The following GNAQ variants were observed in gnomAD, a reference collection of about 807,000 sequenced individuals.
GNAQ encodes G protein subunit alpha q.
Under a neutral mutation model 43.9 loss-of-function variants are expected in GNAQ, and 8 were observed. That is an observed-to-expected ratio of 0.18 (90% CI 0.11 to 0.33). GNAQ has a LOEUF of 0.33. GNAQ is among the 10% of genes least tolerant of loss of function. The probability of loss-of-function intolerance (pLI) is 1.00; values close to 1 mark genes in which losing one functional copy is unlikely to be tolerated. For missense variants in GNAQ, 158 were observed against 450.8 expected, an observed-to-expected ratio of 0.35 and a Z score of 5.88; for synonymous variants, 155 against 170.7, an observed-to-expected ratio of 0.91 and a Z score of 0.71.
intron 5 of GNAQ, among the ~76,000 whole-genome samples, chr9:77,793,581 T>A (rs1042785610): frequency 3.9e-5 from 6 of 152,042 alleles, no homozygotes; most frequent in African/African-American, 1.4e-4. Flanking sequence ...CAAACGGGGA[T>A]CTCTCACTTC....
chr9:78,001,906 T>C (rs576113104), intron 1 of GNAQ, among the ~76,000 whole-genome samples: 58 of 152,218 alleles, frequency 3.8e-4, no homozygotes, highest in South Asian at 1.7e-3. Context: ...CAAGCTCATA[T>C]AGCCTCTCCA....
intron 1 of GNAQ, chr9:78,030,405 G>A: frequency 2.4e-6 from 1 of 412,274 alleles, no homozygotes; most frequent in South Asian, 1.8e-5. Context: ...CCTTTCGATG[G>A]TCTGGTGGCT....
At chr9:78,017,773 G>C (rs1823857462) in intron 1 of GNAQ, among the ~76,000 whole-genome samples, 1 of 152,106 alleles carries the variant, frequency 6.6e-6, no homozygotes, top group African/African-American at 2.4e-5. Context: ...ATGACAAAAG[G>C]CTAATTTCAT....
chr9:77,813,896 T>C (rs1014128871), intron 3 of GNAQ, among the ~76,000 whole-genome samples: 2 of 152,110 alleles, frequency 1.3e-5, no homozygotes, highest in African/African-American at 4.8e-5. Context: ...TAAATGTAAC[T>C]TTATAATGGA....
At position 77,721,134 on chromosome 9, in the gene GNAQ, C is replaced by G; in HGVS notation, c.*189G>C. On this transcript the variant is annotated 3_prime_UTR_variant, in exon 7 of 7. Transcript: ENST00000286548. ...TGCTGGGACTGTACTTCAGCATCCT[C>G]TGTTTTTCCTCTGAATAGTTTAAAT... is the stretch of plus-strand genomic sequence containing the variant. 1 of 487,354 alleles carries G rather than the reference C, an allele frequency of 2.1e-6. No individual in the cohort carries two copies. The highest frequency in any genetic ancestry group is 2.0e-5 in the African/African-American group (1 of 50,302). 30.2% of individuals were successfully genotyped at this position (487,354 alleles called of 1,614,324 possible).
At chr9:77,905,412 T>C (rs1448690215) in intron 2 of GNAQ, among the ~76,000 whole-genome samples, 1 of 152,186 alleles carries the variant, frequency 6.6e-6, no homozygotes, top group South Asian at 2.1e-4. Context: ...CTCAGGTGTC[T>C]GCATGGTAAT....
At position 77,840,285 on chromosome 9, in the gene GNAQ, A is replaced by G. The variant is rs542568213; in HGVS notation, c.322-24515T>C. Reference sequence around the variant, plus strand: ...ATGAATTAGCATGTAGATAGATGCAAGTTTATTATCTCTGTCCTCATTCTC... The same window carrying G: ...ATGAATTAGCATGTAGATAGATGCAGGTTTATTATCTCTGTCCTCATTCTC... On this transcript the variant is annotated intron_variant, in intron 2 of 6. Transcript: ENST00000286548. 1.6e-4 allele frequency among the ~76,000 whole-genome samples: 24 copies of G among 152,204 alleles called. No homozygotes were observed. The South Asian group carries it at 4.8e-3, about 30-fold the overall frequency.
intron 5 of GNAQ, among the ~76,000 whole-genome samples, chr9:77,737,712 A>T (rs1478935193): frequency 6.6e-6 from 1 of 152,170 alleles, no homozygotes; most frequent in African/African-American, 2.4e-5. Context: ...AGCCAAGGAG[A>T]CAACTAGACA....
chr9:77,962,952 C>T (rs1174175024), intron 1 of GNAQ, among the ~76,000 whole-genome samples: 1 of 147,084 alleles, frequency 6.8e-6, no homozygotes, highest in Non-Finnish European at 1.5e-5. Context: ...AAAAACTATG[C>T]ATGGATTTCA....
At chr9:77,882,426 G>C (rs1828229010) in intron 2 of GNAQ, among the ~76,000 whole-genome samples, 1 of 152,196 alleles carries the variant, frequency 6.6e-6, no homozygotes, top group South Asian at 2.1e-4. Flanking sequence ...ACACTTCTAA[G>C]AATTTAACTA....
chr9:78,030,907 GTGTGTGTGTGTGTC>G (rs1824047293), intron 1 of GNAQ, among the ~76,000 whole-genome samples, 179 bp downstream of exon 1: 1 of 151,440 alleles, frequency 6.6e-6, no homozygotes, highest in African/African-American at 2.4e-5. Flanking sequence ...GTGTGTGTGT[GTGTGTGTGTGTGTC>G]TGTGTGTAAC....
chr9:77,986,173 T>C (rs1823433441), intron 1 of GNAQ, among the ~76,000 whole-genome samples: 1 of 152,056 alleles, frequency 6.6e-6, no homozygotes, highest in Non-Finnish European at 1.5e-5. Flanking sequence ...ACATAGCTGC[T>C]GCAAGATATC....
intron 1 of GNAQ, among the ~76,000 whole-genome samples, chr9:77,977,188 C>T (rs1288067234): frequency 6.6e-6 from 1 of 152,090 alleles, no homozygotes; most frequent in Non-Finnish European, 1.5e-5. Flanking sequence ...TAAGGCAGAG[C>T]GCTTCCTTCA....
chr9:77,925,263 A>G (rs1181435496), intron 1 of GNAQ, among the ~76,000 whole-genome samples: 1 of 152,176 alleles, frequency 6.6e-6, no homozygotes, highest in Non-Finnish European at 1.5e-5. Context: ...AAGGAATACA[A>G]GGGAATGGAG....
chr9:77,917,891 A>G (rs946765540), intron 2 of GNAQ, among the ~76,000 whole-genome samples: 1 of 152,192 alleles, frequency 6.6e-6, no homozygotes, highest in Non-Finnish European at 1.5e-5. Context: ...CACTCGGGGA[A>G]GAATTCATCT....
At chr9:77,850,949 G>A (rs1209461967) in intron 2 of GNAQ, among the ~76,000 whole-genome samples, 1 of 152,010 alleles carries the variant, frequency 6.6e-6, no homozygotes, top group South Asian at 2.1e-4. Context: ...GGGGAACAAG[G>A]ACCACCATTG....
rs994497834 is a variant in GNAQ at position 77,748,977 on chromosome 9, A to C, written c.736-20310T>G. Among the ~76,000 whole-genome samples, 4 of 152,108 alleles carry C rather than the reference A, an allele frequency of 2.6e-5. No homozygotes were observed. The East Asian group carries it at 7.7e-4, about 29-fold the overall frequency. On this transcript the variant is annotated intron_variant, in intron 5 of 6. Transcript: ENST00000286548. ...AAAGGGAAAGGGGGAGTTCTGAAGGAAGGCCATATTTCTGGCTGGGACACT... is the reference window on the plus strand; with the variant it reads ...AAAGGGAAAGGGGGAGTTCTGAAGGCAGGCCATATTTCTGGCTGGGACACT...
chr9:77,845,833 A>G (rs1827574879), intron 2 of GNAQ, among the ~76,000 whole-genome samples: 1 of 152,246 alleles, frequency 6.6e-6, no homozygotes, highest in South Asian at 2.1e-4. Flanking sequence ...CCCTGAGGGC[A>G]GAAAGGCCAA....
chr9:77,732,124 T>C (rs930227654), intron 5 of GNAQ, among the ~76,000 whole-genome samples: 1 of 152,110 alleles, frequency 6.6e-6, no homozygotes, highest in African/African-American at 2.4e-5. Flanking sequence ...TTGAAATCTA[T>C]GAGGGAACAG....
Sources: allele counts gnomAD v4.1 joint callset (sites outside exome capture counted in the v4.1 genomes callset), GRCh38; gene constraint gnomAD v4.1.1; transcripts MANE v1.5; gene names NCBI Gene and HGNC (gene_info 2026-07-23, HGNC 2026-07-21).